Variants in GALNT2 observed in about 807,000 individuals in gnomAD.
GALNT2 encodes UDP-GalNAc:polypeptide N-acetylgalactosaminyltransferase 2.
A neutral mutation model predicts 81.4 loss-of-function variants in GALNT2; 31 were observed. The observed-to-expected ratio is 0.38, with a 90% CI of 0.29 to 0.51. The LOEUF (loss-of-function observed/expected upper bound fraction) is 0.51. GALNT2 is among the 20% of genes least tolerant of loss of function. The probability of loss-of-function intolerance (pLI) is 0.87; values close to 1 mark genes in which losing one functional copy is unlikely to be tolerated. For missense variants in GALNT2, 629 were observed against 765.7 expected (o/e 0.82, Z 2.11); for synonymous variants, 303 against 287.4 (o/e 1.05, Z -0.55).
Position 230,280,351 on chromosome 1 carries a change from C to A in GALNT2, c.*893C>A. On this transcript the variant is annotated 3_prime_UTR_variant, in exon 16 of 16. Coordinates refer to ENST00000366672, the MANE Select transcript of GALNT2 (RefSeq NM_004481.5). Reference sequence around the variant, plus strand: ...GTCCCTACTGTGCGTCAGAATCCACCTTGCGTGCTGTGCGTATCTGTGAAC... The same window carrying A: ...GTCCCTACTGTGCGTCAGAATCCACATTGCGTGCTGTGCGTATCTGTGAAC... The A allele has an allele frequency of 3.8e-6, 1 of 263,580 alleles. No individual in the cohort carries two copies. The highest frequency in any genetic ancestry group is 8.3e-5 in the East Asian group (1 of 12,032). The allele number at this position is 263,580 out of a possible 1,614,324, so 16.3% of individuals were successfully genotyped here. A position where few individuals can be genotyped will look rare whatever the true frequency, so the allele number is the denominator to read the frequency against.
At chr1:230,061,472 G>T (rs1437702026) in intron 1 of GALNT2, among the ~76,000 whole-genome samples, 1 of 152,096 alleles carries the variant, frequency 6.6e-6, no homozygotes, top group Non-Finnish European at 1.5e-5. Flanking sequence ...TAGGCTGAGA[G>T]CACATAGCTG....
At chr1:230,095,420 T>C (rs1362222633) in intron 1 of GALNT2, among the ~76,000 whole-genome samples, 2 of 152,026 alleles carry the variant, frequency 1.3e-5, no homozygotes, top group Admixed American at 1.3e-4. Flanking sequence ...CAGTCTCACA[T>C]GTAGAAGTGG....
chr1:230,229,663 G>C (rs1466453526), intron 3 of GALNT2, among the ~76,000 whole-genome samples: 1 of 152,160 alleles, frequency 6.6e-6, no homozygotes, highest in Non-Finnish European at 1.5e-5. Context: ...TTGATAATCA[G>C]CAGAAAAGGG....
At chr1:230,253,002 G>T (rs61823321) in intron 10 of GALNT2, among the ~76,000 whole-genome samples, 166 of 151,868 alleles carry the variant, frequency 1.1e-3, no homozygotes, top group Middle Eastern at 3.4e-3. Context: ...ATGTGCCACC[G>T]TGCCCGGCTA....
intron 1 of GALNT2, among the ~76,000 whole-genome samples, chr1:230,177,078 G>C (rs967101501): frequency 7.2e-5 from 11 of 152,260 alleles, no homozygotes; most frequent in African/African-American, 2.4e-4. Context: ...CACAGTTTCT[G>C]TCTAATTACC....
intron 13 of GALNT2, chr1:230,263,648 G>C (rs1665945594): frequency 6.6e-6 from 1 of 152,402 alleles, no homozygotes; most frequent in South Asian, 2.1e-4. Context: ...GGGACCTGCT[G>C]ATAACCTCGT....
At chr1:230,222,735 T>G (rs1664588338) in intron 3 of GALNT2, among the ~76,000 whole-genome samples, 1 of 152,236 alleles carries the variant, frequency 6.6e-6, no homozygotes, top group South Asian at 2.1e-4. Context: ...TACCTTTAAT[T>G]GAGATTTTCG....
At chr1:230,175,179 C>T (rs1045943576) in intron 1 of GALNT2, among the ~76,000 whole-genome samples, 4 of 152,202 alleles carry the variant, frequency 2.6e-5, no homozygotes, top group African/African-American at 7.2e-5. Context: ...AGCCAGTGAA[C>T]CTAGTCAGCC....
intron 7 of GALNT2, among the ~76,000 whole-genome samples, chr1:230,244,571 T>C (rs1039250471): frequency 1.4e-5 from 2 of 147,158 alleles, no homozygotes; most frequent in African/African-American, 5.0e-5. Context: ...GCCATGGCAG[T>C]GTTTGGGTGT....
At chr1:230,219,889 A>AC (rs1664495486) in intron 3 of GALNT2, among the ~76,000 whole-genome samples, 3 of 151,930 alleles carry the variant, frequency 2.0e-5, no homozygotes, top group Middle Eastern at 3.4e-3. Flanking sequence ...AGACCTTGCC[A>AC]CCCCCAACCA....
intron 3 of GALNT2, among the ~76,000 whole-genome samples, chr1:230,216,251 A>G (rs1454781382): frequency 6.6e-6 from 1 of 152,208 alleles, no homozygotes; most frequent in Non-Finnish European, 1.5e-5. Flanking sequence ...AGGGTTTTGT[A>G]TATTTTAGGA....
intron 3 of GALNT2, among the ~76,000 whole-genome samples, 168 bp from the exon 4 acceptor site, chr1:230,235,846 T>A (rs909032450): frequency 7.9e-5 from 12 of 152,192 alleles, no homozygotes; most frequent in Non-Finnish European, 1.5e-4. Context: ...TGTTTCCTTA[T>A]GTCCCGTTGG....
intron 1 of GALNT2, among the ~76,000 whole-genome samples, chr1:230,137,325 T>C (rs1025108685): frequency 1.3e-5 from 2 of 152,200 alleles, no homozygotes; most frequent in African/African-American, 4.8e-5. Flanking sequence ...AGGTGGTGGA[T>C]ATGGCCGAAG....
chr1:230,078,852 G>A lies in GALNT2; in HGVS notation c.126+11446G>A, dbSNP rs976330267. ...AGGGTCTCACCCTATCACCCAGGCTGGAGTATAGTGGCATGATCATGATCA... is the reference window on the plus strand; with the variant it reads ...AGGGTCTCACCCTATCACCCAGGCTAGAGTATAGTGGCATGATCATGATCA... On this transcript the variant is annotated intron_variant, in intron 1 of 15. Coordinates refer to ENST00000366672, the MANE Select transcript of GALNT2 (RefSeq NM_004481.5). 7.9e-5 allele frequency among the ~76,000 whole-genome samples: 12 copies of A among 152,114 alleles called. 1 individual carries two copies. The highest frequency in any genetic ancestry group is 6.5e-4 in the Admixed American group (10 of 15,276).
At chr1:230,093,838 G>A (rs1055544317) in intron 1 of GALNT2, among the ~76,000 whole-genome samples, 3 of 152,146 alleles carry the variant, frequency 2.0e-5, no homozygotes, top group Non-Finnish European at 4.4e-5. Flanking sequence ...ATACCACCTC[G>A]TTTTGTGTAA....
Position 230,112,897 on chromosome 1 carries a change from G to T in GALNT2, c.126+45491G>T, listed in dbSNP as rs111272235. Among the ~76,000 whole-genome samples the T allele has an allele frequency of 1.9e-3, 294 of 152,280 alleles. 1 individual carries two copies. In the Middle Eastern group the frequency reaches 0.024, roughly 12 times the overall value. On this transcript the variant is annotated intron_variant, in intron 1 of 15. Transcript: ENST00000366672. ...AGCATCTTTTCCAGTAAAATAGAGT[G>T]TCTCCATGCCCTTAGGAACTGCCTG...
intron 3 of GALNT2, among the ~76,000 whole-genome samples, chr1:230,228,790 A>G (rs1176396618): frequency 6.6e-6 from 1 of 152,102 alleles, no homozygotes; most frequent in Non-Finnish European, 1.5e-5. Context: ...GATTTTCCTG[A>G]TGAATTTAAG....
At chr1:230,203,041 G>T in intron 2 of GALNT2, 96 bp from the exon 3 acceptor site, 1 of 1,336,486 alleles carries the variant, frequency 7.5e-7, no homozygotes, top group Non-Finnish European at 1.0e-6. Flanking sequence ...AAGAAGCCAT[G>T]GATGTGATTT....
intron 3 of GALNT2, among the ~76,000 whole-genome samples, chr1:230,206,562 A>G (rs376393533): frequency 1.3e-5 from 2 of 152,202 alleles, no homozygotes; most frequent in African/African-American, 4.8e-5. Context: ...GGTTAAGAAG[A>G]TTGGGTTACC....
Sources: gnomAD v4.1 joint callset for allele counts (sites outside exome capture counted in the v4.1 genomes callset) on GRCh38, gnomAD v4.1.1 for gene constraint, MANE v1.5 for transcripts, NCBI Gene and HGNC (gene_info 2026-07-23, HGNC 2026-07-21) for gene names.